The following DOCK4 variants were observed in gnomAD, a reference collection of about 807,000 sequenced individuals.
The protein encoded by DOCK4 is dedicator of cytokinesis 4, also known as dedicator of cytokinesis protein 4.
Under a neutral mutation model 268.1 loss-of-function variants are expected in DOCK4, and 97 were observed. That is an observed-to-expected ratio of 0.36 (90% CI 0.31 to 0.43). The LOEUF (loss-of-function observed/expected upper bound fraction) is 0.43, where lower values mean the gene tolerates loss of function less well. Among genes scored for constraint, DOCK4 ranks in the 20% least tolerant of loss-of-function variants. DOCK4 has a pLI of 1.00. For synonymous variants in DOCK4, 954 were observed against 887.2 expected (o/e 1.08, Z -1.34); for missense variants, 2,145 against 2,455.7 (o/e 0.87, Z 2.67).
intron 47 of DOCK4, chr7:111,740,254 C>T (rs1030136944): frequency 2.8e-5 from 8 of 285,308 alleles, no homozygotes; most frequent in East Asian, 2.4e-4. Context: ...CATGCGCCAC[C>T]ATGCCCGGCT....
At chr7:111,983,201 G>T (rs181429570) in intron 7 of DOCK4, among the ~76,000 whole-genome samples, 28 of 152,280 alleles carry the variant, frequency 1.8e-4, no homozygotes, top group Admixed American at 1.6e-3. Flanking sequence ...AAATCTGGAA[G>T]CAATATTAAG....
chr7:111,884,819 G>A (rs1807700806), intron 16 of DOCK4, among the ~76,000 whole-genome samples: 2 of 152,294 alleles, frequency 1.3e-5, no homozygotes, highest in East Asian at 3.9e-4. Flanking sequence ...TCAACGACAA[G>A]GGATAGGGAA....
At chr7:111,889,358 G>T (rs1808106984) in intron 16 of DOCK4, among the ~76,000 whole-genome samples, 1 of 152,128 alleles carries the variant, frequency 6.6e-6, no homozygotes, top group African/African-American at 2.4e-5. Flanking sequence ...AAGTCTTTTA[G>T]AAGAGTTGGG....
intron 8 of DOCK4, among the ~76,000 whole-genome samples, chr7:111,973,186 T>TATAA (rs1554399511): frequency 2.9e-5 from 4 of 137,564 alleles, no homozygotes; most frequent in Admixed American, 2.2e-4. Context: ...TATATATATA[T>TATAA]AATATTTTCT....
chr7:111,938,478 C>G (rs1794918049), intron 11 of DOCK4, among the ~76,000 whole-genome samples: 1 of 152,156 alleles, frequency 6.6e-6, no homozygotes. Context: ...GTGTGGTCCT[C>G]AAACCAGGAG....
At chr7:112,113,786 C>T (rs1273864479) in intron 1 of DOCK4, among the ~76,000 whole-genome samples, 4 of 80,678 alleles carry the variant, frequency 5.0e-5, no homozygotes, top group Non-Finnish European at 9.1e-5. Flanking sequence ...TTTGTAGAGA[C>T]AGTCTTGCTG....
At chr7:111,839,651 G>A (rs556812977) in intron 25 of DOCK4, among the ~76,000 whole-genome samples, 1 of 152,190 alleles carries the variant, frequency 6.6e-6, no homozygotes, top group East Asian at 1.9e-4. Context: ...CATTTATGAT[G>A]ATTATTGTCA....
intron 27 of DOCK4, among the ~76,000 whole-genome samples, chr7:111,818,611 C>T (rs1801746154): frequency 6.6e-6 from 1 of 152,192 alleles, no homozygotes; most frequent in African/African-American, 2.4e-5. Flanking sequence ...CATCTCTTAC[C>T]TGGATGGCTG....
At chr7:111,814,464 G>A (rs117302845) in intron 27 of DOCK4, among the ~76,000 whole-genome samples, 7 of 152,202 alleles carry the variant, frequency 4.6e-5, no homozygotes, top group South Asian at 4.1e-4. Context: ...TGGTGTACCC[G>A]GAGCTGAGAA....
chr7:111,794,406 C>T (rs1173105729), intron 30 of DOCK4, among the ~76,000 whole-genome samples: 1 of 152,114 alleles, frequency 6.6e-6, no homozygotes, highest in African/African-American at 2.4e-5. Context: ...AATGAAATCA[C>T]ATGGGGGAAA....
At chr7:111,955,116 T>G (rs1017110380) in intron 8 of DOCK4, among the ~76,000 whole-genome samples, 1 of 152,192 alleles carries the variant, frequency 6.6e-6, no homozygotes, top group African/African-American at 2.4e-5. Flanking sequence ...GGTCGAAGAC[T>G]TTTCCCCTCT....
intron 1 of DOCK4, among the ~76,000 whole-genome samples, chr7:112,197,520 T>A (rs527245829): frequency 1.3e-5 from 2 of 152,240 alleles, no homozygotes; most frequent in Admixed American, 1.3e-4. Context: ...GTCACAGACA[T>A]AGAAATAACT....
At chr7:111,979,948 A>G (rs1011425611) in intron 7 of DOCK4, among the ~76,000 whole-genome samples, 1 of 152,080 alleles carries the variant, frequency 6.6e-6, no homozygotes, top group Non-Finnish European at 1.5e-5. Flanking sequence ...ATTAAATTAG[A>G]ATTTCTAGGG....
chr7:111,997,733 T>A (rs867337274), intron 4 of DOCK4, among the ~76,000 whole-genome samples: 2 of 152,232 alleles, frequency 1.3e-5, no homozygotes, highest in Non-Finnish European at 2.9e-5. Flanking sequence ...ATCATGTGAA[T>A]AGTCCTTGTG....
chr7:111,769,757 CTGGGG>C, intron 36 of DOCK4, 80 bp from the exon 37 acceptor site: 1 of 1,482,002 alleles, frequency 6.7e-7, no homozygotes, highest in Admixed American at 2.4e-5. Flanking sequence ...TTCCGACAAA[CTGGGG>C]AAAAAAAATA....
chr7:111,932,300 G>C (rs1794263303), intron 12 of DOCK4, among the ~76,000 whole-genome samples: 1 of 152,180 alleles, frequency 6.6e-6, no homozygotes, highest in African/African-American at 2.4e-5. Flanking sequence ...TGGTAGGAAG[G>C]TCAGGGACTA....
chr7:111,803,326 AG>A (rs1333574808), intron 30 of DOCK4, among the ~76,000 whole-genome samples: 1 of 152,228 alleles, frequency 6.6e-6, no homozygotes, highest in Non-Finnish European at 1.5e-5. Context: ...AGCAATTTTG[AG>A]CTATGTATGG....
At position 111,977,090 on chromosome 7, in the gene DOCK4, C is replaced by T. The variant is rs752000101; in HGVS notation, c.701+42G>A. The T allele has an allele frequency of 6.2e-6, 10 of 1,603,058 alleles. No homozygotes were observed. The South Asian group carries it at 1.1e-4, about 18-fold the overall frequency. ...TTGCCAATCACAAATATCCACCATTCTAACATTAAGACATTGAAACCCTAT... is the reference window on the plus strand; with the variant it reads ...TTGCCAATCACAAATATCCACCATTTTAACATTAAGACATTGAAACCCTAT... On this transcript the variant is annotated intron_variant, in intron 8 of 52. Transcript: ENST00000428084.
At chr7:112,189,758 T>TTG (rs1554475312) in intron 1 of DOCK4, among the ~76,000 whole-genome samples, 1 of 146,398 alleles carries the variant, frequency 6.8e-6, no homozygotes, top group Admixed American at 6.8e-5. Context: ...TTTTTTTTTT[T>TTG]TTTTTTTTTG....
Sources: gnomAD v4.1 joint callset for allele counts (sites outside exome capture counted in the v4.1 genomes callset) on GRCh38, gnomAD v4.1.1 for gene constraint, MANE v1.5 for transcripts, NCBI Gene and HGNC (gene_info 2026-07-23, HGNC 2026-07-21) for gene names.